SLC30A7: variants seen among roughly 807,000 people sequenced by gnomAD.
The protein encoded by SLC30A7 is solute carrier family 30 member 7.
SLC30A7 carries 35 observed loss-of-function variants against 46.0 expected under a neutral mutation model. That is an observed-to-expected ratio of 0.76 (90% CI 0.58 to 1.01). SLC30A7 has a LOEUF of 1.01. SLC30A7 is among the 50% of genes least tolerant of loss of function. The pLI, the probability that SLC30A7 is intolerant of heterozygous loss-of-function variation, is 0.00. For missense variants in SLC30A7, 464 were observed against 451.1 expected, an observed-to-expected ratio of 1.03 and a Z score of -0.26; for synonymous variants, 147 against 157.8, an observed-to-expected ratio of 0.93 and a Z score of 0.51.
Position 100,911,161 on chromosome 1 carries a change from T to C in SLC30A7, c.384+11T>C, listed in dbSNP as rs1446186942. 1 of 1,542,698 alleles carries C rather than the reference T, an allele frequency of 6.5e-7. No homozygotes were observed. The highest frequency in any genetic ancestry group is 1.4e-5 in the African/African-American group (1 of 73,220). On this transcript the variant is annotated intron_variant, in intron 4 of 10. Transcript: ENST00000357650. ...TCAGAAGGAGTTGAGGTATAGTAGA[T>C]AATTATTAAAGTCAGTAAATTACAT...
At chr1:100,911,410 A>G (rs1223496164) in intron 4 of SLC30A7, among the ~76,000 whole-genome samples, 2 of 152,248 alleles carry the variant, frequency 1.3e-5, no homozygotes, top group African/African-American at 4.8e-5. Flanking sequence ...TAGAGGCACA[A>G]TCTGGATAGT....
intron 8 of SLC30A7, among the ~76,000 whole-genome samples, chr1:100,936,603 AT>A (rs1653978345): frequency 1.3e-5 from 2 of 152,188 alleles, no homozygotes; most frequent in South Asian, 4.1e-4. Flanking sequence ...ATAATATAAA[AT>A]TTACCATCTT....
At chr1:100,947,295 T>G (rs1196936433) in intron 8 of SLC30A7, among the ~76,000 whole-genome samples, 2 of 152,230 alleles carry the variant, frequency 1.3e-5, no homozygotes, top group East Asian at 3.8e-4. Flanking sequence ...TCTTTATTTC[T>G]GCCTTCATTT....
intron 7 of SLC30A7, among the ~76,000 whole-genome samples, chr1:100,920,566 TTAATA>T (rs772486032): frequency 3.9e-5 from 6 of 151,996 alleles, no homozygotes; most frequent in Non-Finnish European, 7.4e-5. Flanking sequence ...TGATTTATAT[TTAATA>T]TAATATTTGA....
intron 8 of SLC30A7, among the ~76,000 whole-genome samples, chr1:100,960,541 T>A (rs563713147): frequency 1.1e-4 from 16 of 152,318 alleles, no homozygotes; most frequent in African/African-American, 3.8e-4. Context: ...TCTGTCAAAA[T>A]AACACCAGTC....
In SLC30A7 at chr1:100,896,629, C is replaced by CT; in HGVS notation, c.143dup (p.Ala49ArgfsTer27). The CT allele has an allele frequency of 6.2e-7, 1 of 1,614,190 alleles. No homozygotes were observed. The highest frequency in any genetic ancestry group is 8.5e-7 in the Non-Finnish European group (1 of 1,180,028). ...TTTTTCTTCCTGTGCCTGAACCTCT[C>CT]TTTCGCTTTTGTGGAACTACTCTAC... is the stretch of plus-strand genomic sequence containing the variant. On this transcript the variant is annotated frameshift_variant, in exon 2 of 11. Transcript: ENST00000357650. LOFTEE classifies it high-confidence loss of function.
chr1:100,904,131 G>A (rs1209931665), intron 2 of SLC30A7, among the ~76,000 whole-genome samples: 2 of 152,270 alleles, frequency 1.3e-5, no homozygotes, highest in East Asian at 1.9e-4. Flanking sequence ...AAGAAGTTAA[G>A]TAACTTACTG....
the SLC30A7 span, chr1:100,989,473 T>G: frequency 6.6e-6 from 1 of 152,226 alleles, no homozygotes; most frequent in Non-Finnish European, 1.5e-5. Context: ...TTTTGTGGCA[T>G]GTGCTCAGCT....
intron 2 of SLC30A7, 106 bp downstream of exon 2, chr1:100,896,777 T>C (rs1650987816): frequency 1.1e-6 from 1 of 901,340 alleles, no homozygotes; most frequent in Non-Finnish European, 1.8e-6. Flanking sequence ...AGGTCCTACC[T>C]TTGTTACCTA....
chr1:100,994,969 A>G, the SLC30A7 span: 3 of 592,664 alleles, frequency 5.1e-6, no homozygotes, highest in Non-Finnish European at 9.0e-6. Flanking sequence ...ATCATTTCGT[A>G]AGAATAAAAA....
At chr1:100,971,031 G>A (rs141089719) in intron 10 of SLC30A7, among the ~76,000 whole-genome samples, 208 of 151,836 alleles carry the variant, frequency 1.4e-3, no homozygotes, top group South Asian at 8.3e-3. Flanking sequence ...TTTCTCACTT[G>A]TGCCTGATAA....
At chr1:100,961,794 G>A in intron 8 of SLC30A7, 34 bp from the exon 9 acceptor site, 3 of 1,359,796 alleles carry the variant, frequency 2.2e-6, no homozygotes, top group Non-Finnish European at 3.1e-6. Flanking sequence ...AGCAGAATGT[G>A]ACTTTAATAA....
chr1:100,952,929 G>A (rs545847323), intron 8 of SLC30A7, among the ~76,000 whole-genome samples: 42 of 152,272 alleles, frequency 2.8e-4, no homozygotes, highest in African/African-American at 1.0e-3. Flanking sequence ...ACTTGTACTA[G>A]TGATATGGTT....
intron 5 of SLC30A7, 101 bp from the exon 6 acceptor site, chr1:100,913,562 T>A: frequency 1.2e-6 from 1 of 814,992 alleles, no homozygotes; most frequent in African/African-American, 1.7e-5. Flanking sequence ...ATTGAATTGA[T>A]CTGAGTTTAG....
At chr1:100,973,831 CTGTA>C (rs1171729127) in intron 10 of SLC30A7, among the ~76,000 whole-genome samples, 3 of 152,028 alleles carry the variant, frequency 2.0e-5, no homozygotes, top group African/African-American at 7.2e-5. Flanking sequence ...GAGTGACCAT[CTGTA>C]TTATTGCTGA....
chr1:100,905,237 G>A (rs1055479554), intron 2 of SLC30A7, among the ~76,000 whole-genome samples: 6 of 151,692 alleles, frequency 4.0e-5, no homozygotes, highest in Admixed American at 3.9e-4. Context: ...TTGCTCCATT[G>A]CATTCTGGCT....
the SLC30A7 span, chr1:100,990,542 T>G: frequency 6.2e-7 from 1 of 1,614,198 alleles, no homozygotes; most frequent in South Asian, 1.1e-5. Context: ...AAGTCCACAG[T>G]GCACATTTGC....
the SLC30A7 span, among the ~76,000 whole-genome samples, chr1:100,993,783 C>G: frequency 7.3e-5 from 11 of 151,170 alleles, no homozygotes; most frequent in Non-Finnish European, 1.3e-4. Context: ...ACTCTGTTGC[C>G]CAGGCTGCAG....
rs1348098540 is a variant in SLC30A7 at position 100,977,996 on chromosome 1, C to G, written c.*3139C>G. ...CTTGGACTCCTGACCTCAGGTCATC[C>G]TCCTGCCTCGGCCTCCCAAAGTGCT... On this transcript the variant is annotated 3_prime_UTR_variant, in exon 11 of 11. Coordinates refer to ENST00000357650, the MANE Select transcript of SLC30A7 (RefSeq NM_133496.5). The G allele has an allele frequency of 6.6e-6, 1 of 152,270 alleles. No homozygotes were observed. The highest frequency in any genetic ancestry group is 1.5e-5 in the Non-Finnish European group (1 of 68,100). The allele number at this position is 152,270 out of a possible 1,614,324, so 9.4% of individuals were successfully genotyped here. A position where few individuals can be genotyped will look rare whatever the true frequency, so the allele number is the denominator to read the frequency against.
Sources: allele counts gnomAD v4.1 joint callset (sites outside exome capture counted in the v4.1 genomes callset), GRCh38; gene constraint gnomAD v4.1.1; transcripts MANE v1.5; gene names NCBI Gene and HGNC (gene_info 2026-07-23, HGNC 2026-07-21).